GALNT5: variants seen among roughly 807,000 people sequenced by gnomAD.
The protein encoded by GALNT5 is UDP-GalNAc:polypeptide N-acetylgalactosaminyltransferase 5.
GALNT5 carries 72 observed loss-of-function variants against 85.4 expected under a neutral mutation model. The ratio of observed to expected loss-of-function variants is 0.84; its 90% CI spans 0.70 to 1.03. GALNT5 has a LOEUF of 1.03. Ranked by LOEUF, GALNT5 falls within the 50% of genes least tolerant of loss-of-function variation. The probability of loss-of-function intolerance (pLI) is 0.00; values close to 1 mark genes in which losing one functional copy is unlikely to be tolerated. For missense variants in GALNT5, 1,137 were observed against 1,135.5 expected (o/e 1.00, Z -0.02); for synonymous variants, 404 against 397.0 (o/e 1.02, Z -0.21).
rs79766504 is a variant in GALNT5, at chr2:157,296,405, T to C, written c.1889T>C (p.Val630Ala). Residue 630 changes from valine to alanine, a missense_variant, in exon 5 of 10, where the codon GTG becomes GCG. Val to Ala is a moderately conservative substitution (Grantham distance 64, BLOSUM62 0). Coordinates refer to ENST00000259056, the MANE Select transcript of GALNT5 (RefSeq NM_014568.3). ...INDKDMSYMT[V>A]DNFQRGIFVW... ...ATTTCCTGGATTAGTTACATGACAG[T>C]GGATAACTTTCAAAGAGGCATCTTT... The C allele has an allele frequency of 3.0e-3, 4,823 of 1,609,354 alleles. 7 individuals are homozygous for C. Among genetic ancestry groups the C allele is most frequent in the Non-Finnish European group, 3.6e-3 (4,284 of 1,175,786 alleles).
At chr2:157,290,112 T>TATATATATATATATATACATATACAC (rs1416458086) in intron 3 of GALNT5, among the ~76,000 whole-genome samples, 14 of 138,222 alleles carry the variant, frequency 1.0e-4, no homozygotes, top group African/African-American at 4.3e-4. Context: ...TATATATATA[T>TATATATATATATATATACATATACAC]ACATACACAA....
chr2:157,291,469 C>T (rs892252985), intron 3 of GALNT5, among the ~76,000 whole-genome samples: 8 of 152,214 alleles, frequency 5.3e-5, no homozygotes, highest in Admixed American at 1.3e-4. Context: ...TAAAATTAAA[C>T]GGCACGCCAA....
intron 1 of GALNT5, among the ~76,000 whole-genome samples, chr2:157,270,301 C>T (rs1682554214): frequency 6.6e-6 from 1 of 152,148 alleles, no homozygotes; most frequent in South Asian, 2.1e-4. Flanking sequence ...ACTGGTGGAG[C>T]AAATCATATA....
chr2:157,295,029 A>C (rs1235229056), intron 3 of GALNT5, among the ~76,000 whole-genome samples: 1 of 151,760 alleles, frequency 6.6e-6, no homozygotes, highest in Admixed American at 6.6e-5. Flanking sequence ...ATAAAAATGT[A>C]CCATCTTAAC....
intron 8 of GALNT5, among the ~76,000 whole-genome samples, chr2:157,307,136 A>C (rs1022051391): frequency 3.9e-5 from 6 of 152,156 alleles, no homozygotes; most frequent in Admixed American, 3.9e-4. Context: ...GCTGAGAGGC[A>C]AAAGTATAAA....
rs1338218255 is a variant in GALNT5, at chr2:157,315,826, A to G, written c.*4478A>G. 6.6e-6 allele frequency among the ~76,000 whole-genome samples: 1 copy of G among 152,222 alleles called. No homozygotes were observed. The highest frequency in any genetic ancestry group is 2.4e-5 in the African/African-American group (1 of 41,458). Reference sequence around the variant, plus strand: ...CCAAGAAAGAATTCAGGACACAGACACACATGAGGAGTGGGTTTAGGAGTG... The same window carrying G: ...CCAAGAAAGAATTCAGGACACAGACGCACATGAGGAGTGGGTTTAGGAGTG... On this transcript the variant is annotated 3_prime_UTR_variant, in exon 10 of 10. Coordinates refer to ENST00000259056, the MANE Select transcript of GALNT5 (RefSeq NM_014568.3).
At chr2:157,262,819 CTTTTTTTTTTTTTTTT>C (rs535380585) in intron 1 of GALNT5, among the ~76,000 whole-genome samples, 4 of 100,946 alleles carry the variant, frequency 4.0e-5, no homozygotes, top group African/African-American at 9.5e-5. Flanking sequence ...TTTCACAACT[CTTTTTTTTTTTTTTTT>C]TTTTTTTTTT....
At chr2:157,305,242 C>G (rs1683429070) in intron 7 of GALNT5, among the ~76,000 whole-genome samples, 1 of 152,064 alleles carries the variant, frequency 6.6e-6, no homozygotes, top group South Asian at 2.1e-4. Flanking sequence ...TGAATTGTAG[C>G]TTGCTTGGGT....
Position 157,290,112 on chromosome 2 carries a change from T to TATATATATACACAC in GALNT5, c.1741+3979_1741+3980insTATATATACACACA, listed in dbSNP as rs1416458086. 1.3e-3 allele frequency among the ~76,000 whole-genome samples: 179 copies of TATATATATACACAC among 138,186 alleles called. 5 individuals carry two copies. The East Asian group carries it at 0.023, about 18-fold the overall frequency. The allele number at this position is 138,186 out of a possible 152,430, so 90.7% of individuals were successfully genotyped here. A position where few individuals can be genotyped will look rare whatever the true frequency, so the allele number is the denominator to read the frequency against. On this transcript the variant is annotated intron_variant, in intron 3 of 9. Transcript: ENST00000259056. ...GTATATATATATATATATATATATA[T>TATATATATACACAC]ACATACACAAACACATATATACATA...
In GALNT5 at chr2:157,258,108, G is replaced by T; in HGVS notation, c.26G>T (p.Arg9Leu). 6.2e-7 allele frequency: 1 copy of T among 1,613,948 alleles called. No individual in the cohort carries two copies. Among genetic ancestry groups the T allele is most frequent in the Non-Finnish European group, 8.5e-7 (1 of 1,179,992 alleles). The change falls in exon 1 of 10, where the codon CGA becomes CTA. Residue 9 changes from arginine to leucine, a missense_variant. Arg to Leu is a moderately radical substitution (Grantham distance 102). Coordinates refer to ENST00000259056, the MANE Select transcript of GALNT5 (RefSeq NM_014568.3). MNRIRKFF[R>L]GSGRVLAFIF... ...ATGAACAGGATCCGAAAGTTTTTCC[G>T]AGGAAGTGGGCGAGTCTTGGCATTT... is the stretch of plus-strand genomic sequence containing the variant.
At chr2:157,267,180 G>A (rs16841452) in intron 1 of GALNT5, among the ~76,000 whole-genome samples, 3 of 152,260 alleles carry the variant, frequency 2.0e-5, no homozygotes, top group South Asian at 4.1e-4. Flanking sequence ...TAGAGAGTCA[G>A]AGAAATGGAG....
rs77262379 is a variant in GALNT5, at chr2:157,284,790, C to A, written c.1621+342C>A. The stretch of plus-strand genomic sequence containing the variant: ...TAATGGAATCACAATTAACGGGAGG[C>A]CTTGCCTACTGGTAATAACTAGAGT... On this transcript the variant is annotated intron_variant, in intron 2 of 9. Coordinates refer to ENST00000259056, the MANE Select transcript of GALNT5 (RefSeq NM_014568.3). Among the ~76,000 whole-genome samples the A allele has an allele frequency of 2.3e-4, 35 of 152,240 alleles. 1 individual carries two copies. In the East Asian group the frequency reaches 6.6e-3, roughly 29 times the overall value.
chr2:157,295,677 T>C lies in GALNT5; in HGVS notation c.1756T>C (p.Phe586Leu). ...AQNATGDVLT[F>L]LDSHVECNVG... ...TGGCCCTCTAGGTGATGTGTTGACATTTTTAGATTCTCATGTGGAATGTAA... is the reference window on the plus strand; with the variant it reads ...TGGCCCTCTAGGTGATGTGTTGACACTTTTAGATTCTCATGTGGAATGTAA... Residue 586 changes from phenylalanine to leucine, a missense_variant, in exon 4 of 10, where the codon TTT (phenylalanine) becomes CTT (leucine). Phe to Leu is a conservative substitution (Grantham distance 22, BLOSUM62 0). Coordinates refer to ENST00000259056, the MANE Select transcript of GALNT5 (RefSeq NM_014568.3). 6.2e-7 allele frequency: 1 copy of C among 1,612,842 alleles called. No individual in the cohort carries two copies. The highest frequency in any genetic ancestry group is 8.5e-7 in the Non-Finnish European group (1 of 1,179,224).
chr2:157,285,168 A>C (rs1182881996), intron 2 of GALNT5, among the ~76,000 whole-genome samples: 1 of 152,236 alleles, frequency 6.6e-6, no homozygotes, highest in African/African-American at 2.4e-5. Flanking sequence ...CTGTGACCAC[A>C]GCAACATGGG....
At chr2:157,289,629 T>G (rs1174876059) in intron 3 of GALNT5, among the ~76,000 whole-genome samples, 1 of 152,176 alleles carries the variant, frequency 6.6e-6, no homozygotes, top group African/African-American at 2.4e-5. Flanking sequence ...CACTGCCTAG[T>G]AGAGTGATGC....
Position 157,284,358 on chromosome 2 carries a change from A to G in GALNT5, c.1531A>G (p.Thr511Ala), listed in dbSNP as rs764448608. Residue 511 changes from threonine to alanine, a missense_variant, in exon 2 of 10, where the codon ACT becomes GCT. Physicochemically the swap from Thr to Ala is moderately conservative, Grantham distance 58. Coordinates refer to ENST00000259056, the MANE Select transcript of GALNT5 (RefSeq NM_014568.3). ...GTGCTTTGTGGATGAAGTGTGGTCC[A>G]CTCTCCTGAGATCTGTTCACAGTGT... ...IMCFVDEVWS[T>A]LLRSVHSVIN... 1 of 1,613,562 alleles carries G rather than the reference A, an allele frequency of 6.2e-7. No individual in the cohort carries two copies.
At chr2:157,269,907 T>G (rs1682544632) in intron 1 of GALNT5, among the ~76,000 whole-genome samples, 1 of 152,188 alleles carries the variant, frequency 6.6e-6, no homozygotes, top group Non-Finnish European at 1.5e-5. Context: ...GCCGGGCTTG[T>G]TGGTTTATGC....
Position 157,286,100 on chromosome 2 carries a change from A to G in GALNT5, c.1707A>G (p.Ile569Met). ...GCCTCAAAGAGAGACATGGCTTAATAAGGGCCAGGCTGGCAGGAGCACAGA... is the reference window on the plus strand; with the variant it reads ...GCCTCAAAGAGAGACATGGCTTAATGAGGGCCAGGCTGGCAGGAGCACAGA... ...ILRLKERHGL[I>M]RARLAGAQNA... is the part of the protein sequence containing the mutation. The change falls in exon 3 of 10, where the codon ATA (isoleucine) becomes ATG (methionine). Residue 569 changes from isoleucine (I) to methionine (M), a missense_variant. Ile to Met is a conservative substitution (Grantham distance 10). Transcript: ENST00000259056. 2.5e-6 allele frequency: 4 copies of G among 1,613,306 alleles called. No individual in the cohort carries two copies. Among genetic ancestry groups the G allele is most frequent in the Non-Finnish European group, 3.4e-6 (4 of 1,179,230 alleles).
Position 157,314,349 on chromosome 2 carries a change from C to T in GALNT5, c.*3001C>T, listed in dbSNP as rs1457966916. ...TTTCAGTTTGCACAATTTCTTTCTCCTTTTCAACAGTTACCCAGCGCTTCT... is the reference window on the plus strand; with the variant it reads ...TTTCAGTTTGCACAATTTCTTTCTCTTTTTCAACAGTTACCCAGCGCTTCT... On this transcript the variant is annotated 3_prime_UTR_variant, in exon 10 of 10. Coordinates refer to ENST00000259056, the MANE Select transcript of GALNT5 (RefSeq NM_014568.3). 1 of 152,114 alleles carries T rather than the reference C, an allele frequency of 6.6e-6. No homozygotes were observed. Among genetic ancestry groups the T allele is most frequent in the East Asian group, 1.9e-4 (1 of 5,206 alleles). The allele number at this position is 152,114 out of a possible 1,614,324, so 9.4% of individuals were successfully genotyped here. A position where few individuals can be genotyped will look rare whatever the true frequency, so the allele number is the denominator to read the frequency against.
Sources: allele counts gnomAD v4.1 joint callset (sites outside exome capture counted in the v4.1 genomes callset), GRCh38; gene constraint gnomAD v4.1.1; transcripts MANE v1.5; gene names NCBI Gene and HGNC (gene_info 2026-07-23, HGNC 2026-07-21).